The following SYNE1 variants were observed in gnomAD, a reference collection of about 807,000 sequenced individuals.
The protein encoded by SYNE1 is nesprin-1.
SYNE1 carries 616 observed loss-of-function variants against 1,111.0 expected under a neutral mutation model. The ratio of observed to expected loss-of-function variants is 0.55; its 90% CI spans 0.52 to 0.59. SYNE1 has a LOEUF of 0.59. SYNE1 is among the 20% of genes least tolerant of loss of function. SYNE1 has a pLI of 0.00. For missense variants in SYNE1, 10,006 were observed against 10,417.0 expected, an observed-to-expected ratio of 0.96 and a Z score of 1.72; for synonymous variants, 3,855 against 3,825.8, an observed-to-expected ratio of 1.01 and a Z score of -0.28.
In SYNE1 at chr6:152,346,762, A is replaced by G. The variant is rs113822290; in HGVS notation, c.12078+297T>C. On this transcript the variant is annotated intron_variant, in intron 73 of 145. Coordinates refer to ENST00000367255, the MANE Select transcript of SYNE1 (RefSeq NM_182961.4). ...GAGGCGGAGCTTGCAGTGAGCCGAG[A>G]TCGCGCCACTGCACTCCAGCCTGTG... is the stretch of plus-strand genomic sequence containing the variant. Among the ~76,000 whole-genome samples, 319 of 152,248 alleles carry G rather than the reference A, an allele frequency of 2.1e-3. 2 individuals carry two copies. Among genetic ancestry groups the G allele is most frequent in the African/African-American group, 7.4e-3 (306 of 41,574 alleles).
intron 127 of SYNE1, among the ~76,000 whole-genome samples, chr6:152,195,460 G>C (rs2073854556): frequency 6.6e-6 from 1 of 152,182 alleles, no homozygotes; most frequent in African/African-American, 2.4e-5. Context: ...TATTTGAAGG[G>C]ACCTGGGAGT....
chr6:152,234,610 G>A (rs1387761445), intron 111 of SYNE1, 58 bp downstream of exon 111: 1 of 1,605,922 alleles, frequency 6.2e-7, no homozygotes, highest in Admixed American at 1.7e-5. Flanking sequence ...TTCTACTGGT[G>A]TATGGGTCAG....
intron 40 of SYNE1, 114 bp from the exon 41 acceptor site, chr6:152,417,129 A>C: frequency 2.8e-6 from 4 of 1,443,994 alleles, no homozygotes; most frequent in Non-Finnish European, 3.8e-6. Flanking sequence ...ATAGTATAGT[A>C]CTTAAAGGTC....
chr6:152,431,937 G>A (rs1398137237), intron 34 of SYNE1, among the ~76,000 whole-genome samples: 1 of 151,924 alleles, frequency 6.6e-6, no homozygotes, highest in African/African-American at 2.4e-5. Context: ...AAAAATATAG[G>A]TTGTCTACAA....
chr6:152,133,123 T>C (rs1301040731), intron 143 of SYNE1, among the ~76,000 whole-genome samples, 153 bp downstream of exon 143: 3 of 152,220 alleles, frequency 2.0e-5, no homozygotes, highest in African/African-American at 7.2e-5. Flanking sequence ...GCTGCTTTTT[T>C]ATTTTGAGAC....
chr6:152,415,237 C>T (rs1359182038), intron 41 of SYNE1, among the ~76,000 whole-genome samples: 2 of 152,148 alleles, frequency 1.3e-5, no homozygotes, highest in Non-Finnish European at 2.9e-5. Flanking sequence ...TTCAAATTTA[C>T]TAAGGGAACT....
In SYNE1 at chr6:152,334,098, T is replaced by C. The variant is rs964082904; in HGVS notation, c.12704A>G (p.Asp4235Gly). ...ATGGTAATCTCTTGTTCTCTGAAGA[T>C]CCTCTTCCCTTTGCAAGCACAGGTT... Reference protein sequence around the residue: ...SNNLCLQREEDLQRTRDYHDC... With the variant: ...SNNLCLQREEGLQRTRDYHDC... Residue 4235 changes from aspartate to glycine, a missense_variant, in exon 77 of 146, where the codon GAT becomes GGT. Physicochemically the swap from Asp to Gly is moderately conservative, Grantham distance 94. Transcript: ENST00000367255. 4 of 1,614,092 alleles carry C rather than the reference T, an allele frequency of 2.5e-6. No homozygotes were observed. The East Asian group carries it at 6.7e-5, about 27-fold the overall frequency.
Position 152,385,840 on chromosome 6 carries a change from T to C in SYNE1, c.8488-2A>G. 6.2e-7 allele frequency: 1 copy of C among 1,613,998 alleles called. No individual in the cohort carries two copies. Among genetic ancestry groups the C allele is most frequent in the Non-Finnish European group, 8.5e-7 (1 of 1,179,946 alleles). On this transcript the variant is annotated splice_acceptor_variant, in intron 54 of 145. Transcript: ENST00000367255. LOFTEE classifies it high-confidence loss of function. The stretch of plus-strand genomic sequence containing the variant: ...CTCTTCCACTTTCCTCATTTTTTCC[T>C]AGTAAACAAAGAAAAGACTACCTTA...
At chr6:152,362,601 G>T (rs532103157) in intron 63 of SYNE1, among the ~76,000 whole-genome samples, 55 of 152,214 alleles carry the variant, frequency 3.6e-4, no homozygotes, top group Middle Eastern at 3.4e-3. Flanking sequence ...ACGAGACACT[G>T]GGGGAGCCTC....
intron 64 of SYNE1, among the ~76,000 whole-genome samples, chr6:152,361,885 G>A (rs1468157327): frequency 6.6e-6 from 1 of 151,514 alleles, no homozygotes; most frequent in Admixed American, 6.6e-5. Flanking sequence ...ATGATGAGCA[G>A]GCTGAAGACA....
intron 51 of SYNE1, among the ~76,000 whole-genome samples, chr6:152,394,781 C>CT (rs1452209788): frequency 2.2e-5 from 3 of 137,860 alleles, no homozygotes; most frequent in Non-Finnish European, 4.6e-5. Context: ...TTTTTTTTTT[C>CT]TTTTTCCTTT....
intron 107 of SYNE1, 116 bp from the exon 108 acceptor site, chr6:152,239,822 G>A (rs1263307985): frequency 1.0e-5 from 11 of 1,094,930 alleles, no homozygotes; most frequent in Non-Finnish European, 1.5e-5. Flanking sequence ...AGTTGGGGAG[G>A]CTGAAGTGGG....
At chr6:152,554,227 T>C (rs564445617) in intron 3 of SYNE1, among the ~76,000 whole-genome samples, 1 of 152,092 alleles carries the variant, frequency 6.6e-6, no homozygotes, top group Admixed American at 6.5e-5. Context: ...ACAATGAGAA[T>C]AGCAGCACGG....
In SYNE1 at chr6:152,471,135, T is replaced by TA. The variant is rs139732443; in HGVS notation, c.1632+461dup. 9.1e-3 allele frequency among the ~76,000 whole-genome samples: 1,380 copies of TA among 152,112 alleles called. 21 individuals carry two copies. The highest frequency in any genetic ancestry group is 0.031 in the African/African-American group (1,297 of 41,510). ...GGCAATGAAGCCCAGGGAATTACGG[T>TA]AAAAAAAGACACAGTGGACACAATC... is the stretch of plus-strand genomic sequence containing the variant. On this transcript the variant is annotated intron_variant, in intron 16 of 145. Coordinates refer to ENST00000367255, the MANE Select transcript of SYNE1 (RefSeq NM_182961.4).
At chr6:152,233,606 C>T (rs372864930) in intron 112 of SYNE1, among the ~76,000 whole-genome samples, 175 bp downstream of exon 112, 9 of 152,048 alleles carry the variant, frequency 5.9e-5, no homozygotes, top group Non-Finnish European at 1.2e-4. Flanking sequence ...ATTACAGGTG[C>T]GAGCCACCGC....
At chr6:152,206,961 T>C (rs1183140114) in intron 125 of SYNE1, among the ~76,000 whole-genome samples, 2 of 152,066 alleles carry the variant, frequency 1.3e-5, no homozygotes, top group African/African-American at 4.8e-5. Context: ...CACAGAAGAA[T>C]ATTGATGTTG....
Position 152,220,859 on chromosome 6 carries a change from A to G in SYNE1, c.21844T>C (p.Trp7282Arg). 6.2e-7 allele frequency: 1 copy of G among 1,613,934 alleles called. No homozygotes were observed. Among genetic ancestry groups the G allele is most frequent in the Non-Finnish European group, 8.5e-7 (1 of 1,179,966 alleles). The change falls in exon 119 of 146, where the codon TGG becomes CGG. Residue 7282 changes from tryptophan (W) to arginine (R), a missense_variant. Physicochemically the swap from Trp to Arg is moderately radical, Grantham distance 101 (BLOSUM62 -3). Transcript: ENST00000367255. ...KDIADDEVAT[W>R]IQDCNDLLKG... ...GAACATACGTTGCAATCTTGAATCC[A>G]TGTGGCAACCTCATCATCGGCAATG...
At chr6:152,356,241 A>G (rs2096836108) in intron 66 of SYNE1, among the ~76,000 whole-genome samples, 1 of 151,974 alleles carries the variant, frequency 6.6e-6, no homozygotes, top group South Asian at 2.1e-4. Context: ...GTGTGGCTGC[A>G]TTCCAATAAT....
At chr6:152,529,846 T>G (rs961998791) in intron 4 of SYNE1, among the ~76,000 whole-genome samples, 1 of 151,590 alleles carries the variant, frequency 6.6e-6, no homozygotes, top group African/African-American at 2.4e-5. Flanking sequence ...CTGGGGGGTC[T>G]ATGACATAGA....
Sources: gnomAD v4.1 joint callset for allele counts (sites outside exome capture counted in the v4.1 genomes callset) on GRCh38, gnomAD v4.1.1 for gene constraint, MANE v1.5 for transcripts, NCBI Gene and HGNC (gene_info 2026-07-23, HGNC 2026-07-21) for gene names.